Variants in ADAM12 observed in about 807,000 individuals in gnomAD.
The protein encoded by ADAM12 is disintegrin and metalloproteinase domain-containing protein 12.
ADAM12 carries 70 observed loss-of-function variants against 106.4 expected under a neutral mutation model. The ratio of observed to expected loss-of-function variants is 0.66; its 90% CI spans 0.54 to 0.80. ADAM12 has a LOEUF of 0.80. Among genes scored for constraint, ADAM12 ranks in the 30% least tolerant of loss-of-function variants. The pLI, the probability that ADAM12 is intolerant of heterozygous loss-of-function variation, is 0.00. For synonymous variants in ADAM12, 420 were observed against 433.5 expected (o/e 0.97, Z 0.39); for missense variants, 1,010 against 1,171.9 (o/e 0.86, Z 2.02).
At chr10:126,323,162 T>C (rs3995780) in intron 2 of ADAM12, among the ~76,000 whole-genome samples, 39,859 of 152,144 alleles carry the variant, frequency 0.26, 5,402 homozygotes, top group East Asian at 0.34. Flanking sequence ...GGAAACACCA[T>C]TGGCTGGCTT....
intron 3 of ADAM12, among the ~76,000 whole-genome samples, chr10:126,164,835 A>C (rs750290036): frequency 7.2e-5 from 11 of 152,230 alleles, no homozygotes; most frequent in South Asian, 2.1e-4. Context: ...TTTTATGAAA[A>C]GATCAGACAG....
intron 3 of ADAM12, among the ~76,000 whole-genome samples, chr10:126,215,625 G>T (rs1590631085): frequency 6.6e-6 from 1 of 152,210 alleles, no homozygotes; most frequent in Non-Finnish European, 1.5e-5. Context: ...CTGGAAAGGT[G>T]CAGGAGAAGA....
chr10:126,355,752 G>A (rs1358315237), intron 1 of ADAM12, among the ~76,000 whole-genome samples: 1 of 152,208 alleles, frequency 6.6e-6, no homozygotes, highest in Non-Finnish European at 1.5e-5. Flanking sequence ...TAGCGGCATG[G>A]CGAGACCAGC....
At chr10:126,115,785 G>C (rs948471112) in intron 6 of ADAM12, among the ~76,000 whole-genome samples, 2 of 152,174 alleles carry the variant, frequency 1.3e-5, no homozygotes, top group African/African-American at 4.8e-5. Flanking sequence ...AATAAAGGCA[G>C]CATAAGTGGG....
intron 11 of ADAM12, among the ~76,000 whole-genome samples, chr10:126,088,414 G>T (rs954404362): frequency 5.9e-5 from 9 of 152,058 alleles, no homozygotes; most frequent in Admixed American, 1.3e-4. Context: ...ATTAGAGAAG[G>T]CCGAGGCTGT....
At chr10:126,263,764 T>C (rs952106861) in intron 3 of ADAM12, among the ~76,000 whole-genome samples, 4 of 152,210 alleles carry the variant, frequency 2.6e-5, no homozygotes, top group African/African-American at 9.6e-5. Flanking sequence ...TGATTTCAGT[T>C]CCTACATGTA....
intron 3 of ADAM12, among the ~76,000 whole-genome samples, chr10:126,198,076 C>A (rs911049234): frequency 6.6e-6 from 1 of 152,246 alleles, no homozygotes; most frequent in Non-Finnish European, 1.5e-5. Context: ...AACCAGGTAT[C>A]TCCTCATGGG....
intron 3 of ADAM12, among the ~76,000 whole-genome samples, chr10:126,250,540 C>A (rs1328581697): frequency 6.6e-6 from 1 of 152,214 alleles, no homozygotes; most frequent in Non-Finnish European, 1.5e-5. Flanking sequence ...AAGACTCTTA[C>A]ATGTAAACAA....
At chr10:126,348,745 G>A (rs899887060) in intron 1 of ADAM12, among the ~76,000 whole-genome samples, 7 of 152,246 alleles carry the variant, frequency 4.6e-5, no homozygotes, top group South Asian at 2.1e-4. Context: ...TTATGAGAGC[G>A]AACCATAAAT....
intron 3 of ADAM12, among the ~76,000 whole-genome samples, chr10:126,183,041 T>C (rs1957342336): frequency 6.6e-6 from 1 of 152,136 alleles, no homozygotes; most frequent in Non-Finnish European, 1.5e-5. Context: ...GAAGAAGCAC[T>C]AGATTCTCAC....
intron 1 of ADAM12, among the ~76,000 whole-genome samples, chr10:126,367,699 G>C (rs1160499321): frequency 1.3e-5 from 2 of 151,964 alleles, no homozygotes; most frequent in Non-Finnish European, 2.9e-5. Flanking sequence ...AGGAATTAAA[G>C]AGGGGTACGT....
intron 3 of ADAM12, among the ~76,000 whole-genome samples, chr10:126,181,162 C>T (rs1353363869): frequency 2.0e-5 from 3 of 151,588 alleles, no homozygotes. Flanking sequence ...ACCTCCGCCT[C>T]CTGGGTTCAA....
rs577691328 is a variant in ADAM12 at position 126,071,452 on chromosome 10, T to A, written c.1323+25A>T. 2.4e-5 allele frequency: 39 copies of A among 1,611,588 alleles called. No individual in the cohort carries two copies. In the South Asian group the frequency reaches 4.2e-4, roughly 17 times the overall value. ...AGCCGAGGATACAAGTCTTCTTGTA[T>A]CCTTGTTCTGGGAATGGTTCTTACC... On this transcript the variant is annotated intron_variant, in intron 12 of 22. Transcript: ENST00000448723.
intron 2 of ADAM12, among the ~76,000 whole-genome samples, chr10:126,307,893 C>G (rs1194038982): frequency 6.6e-6 from 1 of 152,220 alleles, no homozygotes; most frequent in Non-Finnish European, 1.5e-5. Context: ...GTGCCTGGCC[C>G]TCATGCCTGC....
intron 14 of ADAM12, among the ~76,000 whole-genome samples, chr10:126,050,967 T>C (rs1954466566): frequency 6.6e-6 from 1 of 152,150 alleles, no homozygotes; most frequent in Non-Finnish European, 1.5e-5. Flanking sequence ...AAAGATGAGG[T>C]CCCTAGCTCC....
chr10:126,046,105 T>A lies in ADAM12; in HGVS notation c.1945A>T (p.Ile649Phe). 6.2e-7 allele frequency: 1 copy of A among 1,614,176 alleles called. No individual in the cohort carries two copies. The highest frequency in any genetic ancestry group is 8.5e-7 in the Non-Finnish European group (1 of 1,180,022). ...CACTCGTGAACCCCAAAGACACTAA[T>A]ATTTTGACATTGACGATTCAGGCAG... The part of the protein sequence containing the change: ...KICLNRQCQN[I>F]SVFGVHECAM... The change falls in exon 17 of 23, where the codon ATT becomes TTT. Residue 649 changes from isoleucine (I) to phenylalanine (F), a missense_variant. Ile to Phe is a conservative substitution (Grantham distance 21). Coordinates refer to ENST00000448723, the MANE Select transcript of ADAM12 (RefSeq NM_001288973.2).
At chr10:126,317,425 T>TAAGCA (rs1249385761) in intron 2 of ADAM12, among the ~76,000 whole-genome samples, 1 of 152,176 alleles carries the variant, frequency 6.6e-6, no homozygotes, top group Non-Finnish European at 1.5e-5. Context: ...GTACCTCTGC[T>TAAGCA]GAGTAAAAAG....
intron 1 of ADAM12, among the ~76,000 whole-genome samples, chr10:126,335,298 G>A (rs182739535): frequency 6.6e-6 from 1 of 152,332 alleles, no homozygotes; most frequent in Non-Finnish European, 1.5e-5. Context: ...TGGCTTGAAA[G>A]GGAAATCATT....
At chr10:126,059,722 A>T (rs1954711575) in intron 14 of ADAM12, among the ~76,000 whole-genome samples, 1 of 152,192 alleles carries the variant, frequency 6.6e-6, no homozygotes, top group African/African-American at 2.4e-5. Context: ...AAAATAGAAA[A>T]AACTAACACA....
Sources: allele counts gnomAD v4.1 joint callset (sites outside exome capture counted in the v4.1 genomes callset), GRCh38; gene constraint gnomAD v4.1.1; transcripts MANE v1.5; gene names NCBI Gene and HGNC (gene_info 2026-07-23, HGNC 2026-07-21).